Variants in SGCB observed in about 807,000 individuals in gnomAD.
SGCB encodes sarcoglycan beta.
A neutral mutation model predicts 27.3 loss-of-function variants in SGCB; 25 were observed. The ratio of observed to expected loss-of-function variants is 0.92; its 90% CI spans 0.67 to 1.28. The LOEUF (loss-of-function observed/expected upper bound fraction) is 1.28. SGCB is among the 50% of genes most tolerant of loss of function. The pLI is 0.00. For missense variants in SGCB, 436 were observed against 402.1 expected (o/e 1.08, Z -0.72); for synonymous variants, 147 against 133.5 (o/e 1.10, Z -0.70).
intron 2 of SGCB, among the ~76,000 whole-genome samples, chr4:52,030,726 G>A (rs1049827522): frequency 3.3e-5 from 5 of 152,076 alleles, no homozygotes; most frequent in Admixed American, 6.5e-5. Context: ...TTTCCCTTAC[G>A]TTCATGCTGA....
Position 52,038,263 on chromosome 4 carries a change from C to A in SGCB, c.-4G>T, listed in dbSNP as rs1553940969. 2.3e-6 allele frequency: 3 copies of A among 1,295,890 alleles called. No homozygotes were observed. The highest frequency in any genetic ancestry group is 2.9e-6 in the Non-Finnish European group (3 of 1,019,692). 80.3% of individuals were successfully genotyped at this position (1,295,890 alleles called of 1,614,324 possible). A position where few individuals can be genotyped will look rare whatever the true frequency, so the allele number is the denominator to read the frequency against. ...CCGCCGCCGCCGCTGCCGCCATCTT[C>A]CCGCGCCCGCCGCCGCCGAGCTCCC... On this transcript the variant is annotated 5_prime_UTR_variant, in exon 1 of 6. Transcript: ENST00000381431.
rs1736945284 is a variant in SGCB at position 52,021,350 on chromosome 4, A to C, written c.*2607T>G. 1 of 152,452 alleles carries C rather than the reference A, an allele frequency of 6.6e-6. No individual in the cohort carries two copies. The highest frequency in any genetic ancestry group is 1.5e-5 in the Non-Finnish European group (1 of 68,182). 9.4% of individuals were successfully genotyped at this position (152,452 alleles called of 1,614,324 possible). A position where few individuals can be genotyped will look rare whatever the true frequency, so the allele number is the denominator to read the frequency against. ...ATCTGGTGGAGACAATGAGTTGCTG[A>C]AGATTTACTGTGGATAAAAATAAGC... On this transcript the variant is annotated 3_prime_UTR_variant, in exon 6 of 6. Coordinates refer to ENST00000381431, the MANE Select transcript of SGCB (RefSeq NM_000232.5).
At chr4:52,028,288 C>G (rs995322218) in intron 4 of SGCB, among the ~76,000 whole-genome samples, 189 bp from the exon 5 acceptor site, 1 of 152,168 alleles carries the variant, frequency 6.6e-6, no homozygotes, top group Non-Finnish European at 1.5e-5. Flanking sequence ...AATTACAAAT[C>G]TAGAATTAAT....
chr4:52,034,606 C>T (rs1254702275), intron 1 of SGCB, among the ~76,000 whole-genome samples: 1 of 151,812 alleles, frequency 6.6e-6, no homozygotes, highest in Non-Finnish European at 1.5e-5. Flanking sequence ...CTTTGGGGGT[C>T]CTGAGACCAA....
At chr4:52,037,912 C>T (rs1737437972) in intron 1 of SGCB, among the ~76,000 whole-genome samples, 1 of 152,168 alleles carries the variant, frequency 6.6e-6, no homozygotes, top group Admixed American at 6.5e-5. Flanking sequence ...GTCCCTGGCA[C>T]GTCCCAGCGC....
rs769837788 is a variant in SGCB, at chr4:52,029,730, G to A, written c.377C>T (p.Thr126Ile). 79 of 1,613,580 alleles carry A rather than the reference G, an allele frequency of 4.9e-5. No homozygotes were observed. Among genetic ancestry groups the A allele is most frequent in the Non-Finnish European group, 6.6e-5 (78 of 1,179,822 alleles). Reference sequence around the variant, plus strand: ...ATTTTCATTTCGCCTTCCTCCTACTGTGCTTTTATAAAGAGGGTGGATCAC... The same window carrying A: ...ATTTTCATTTCGCCTTCCTCCTACTATGCTTTTATAAAGAGGGTGGATCAC... ...MGVIHPLYKSTVGGRRNENLV... is the reference protein window; with the variant it reads ...MGVIHPLYKSIVGGRRNENLV... Residue 126 changes from threonine (T) to isoleucine (I), a missense_variant, in exon 3 of 6, where the codon ACA becomes ATA. Physicochemically the swap from Thr to Ile is moderately conservative, Grantham distance 89 (BLOSUM62 -1). Coordinates refer to ENST00000381431, the MANE Select transcript of SGCB (RefSeq NM_000232.5).
rs751427686 is a variant in SGCB, at chr4:52,028,807, T to G, written c.544A>C (p.Thr182Pro). ...TGAAACTCATGAGTTTCATAGTCTG[T>G]GCTGAATAAGATATTTTGAGTCCTC... ...DPRTQNILFS[T>P]DYETHEFHLP... Residue 182 changes from threonine (T) to proline (P), a missense_variant, in exon 4 of 6, where the codon ACA becomes CCA. Transcript: ENST00000381431. 4.3e-6 allele frequency: 7 copies of G among 1,613,750 alleles called. No individual in the cohort carries two copies. The South Asian group carries it at 7.7e-5, about 18-fold the overall frequency.
chr4:52,031,895 T>C (rs778896273), intron 2 of SGCB: 41 of 456,036 alleles, frequency 9.0e-5, no homozygotes, highest in Non-Finnish European at 1.5e-4. Context: ...TATCTTCAGA[T>C]CTTTTTTCTA....
chr4:52,031,900 T>C, intron 2 of SGCB: 1 of 456,170 alleles, frequency 2.2e-6, no homozygotes, highest in Non-Finnish European at 4.4e-6. Flanking sequence ...TCAGATCTTT[T>C]TTCTATATGC....
chr4:52,024,166 A>G lies in SGCB; in HGVS notation c.754-6T>C. On this transcript the variant is annotated splice_polypyrimidine_tract_variant and splice_region_variant and intron_variant, in intron 5 of 5. Coordinates refer to ENST00000381431, the MANE Select transcript of SGCB (RefSeq NM_000232.5). ...TTTAGGATGATACTGTTTTCCTATT[A>G]GGAGAATAGTAATATGATTTATTTA... is the stretch of plus-strand genomic sequence containing the variant. 2 of 1,609,192 alleles carry G rather than the reference A, an allele frequency of 1.2e-6. No individual in the cohort carries two copies. Among genetic ancestry groups the G allele is most frequent in the Non-Finnish European group, 1.7e-6 (2 of 1,176,068 alleles).
intron 1 of SGCB, among the ~76,000 whole-genome samples, chr4:52,033,968 T>A (rs540126556): frequency 3.7e-4 from 57 of 152,186 alleles, no homozygotes; most frequent in African/African-American, 1.3e-3. Flanking sequence ...AATTTATTAA[T>A]TTTTTTACGT....
intron 5 of SGCB, among the ~76,000 whole-genome samples, chr4:52,025,635 G>A (rs1313430637): frequency 6.6e-6 from 1 of 152,218 alleles, no homozygotes; most frequent in Admixed American, 6.5e-5. Context: ...GCATTTGGAG[G>A]ATTCTGAATA....
At chr4:52,029,974 T>A in intron 2 of SGCB, 111 bp from the exon 3 acceptor site, 1 of 799,782 alleles carries the variant, frequency 1.3e-6, no homozygotes, top group South Asian at 1.5e-5. Context: ...AAATGTTTTA[T>A]CAGTGAGGTA....
At chr4:52,027,439 T>C (rs1180088648) in intron 5 of SGCB, among the ~76,000 whole-genome samples, 1 of 151,704 alleles carries the variant, frequency 6.6e-6, no homozygotes, top group Middle Eastern at 3.2e-3. Context: ...TAAAAATATC[T>C]AAATAAAATA....
At chr4:52,027,871 C>T in intron 5 of SGCB, 97 bp downstream of exon 5, 1 of 1,177,294 alleles carries the variant, frequency 8.5e-7, no homozygotes, top group South Asian at 1.3e-5. Context: ...AAAAAATAGA[C>T]AATTATATCA....
Position 52,038,289 on chromosome 4 carries a change from CG to C in SGCB, c.-31del. On this transcript the variant is annotated 5_prime_UTR_variant, in exon 1 of 6. Transcript: ENST00000381431. ...CCGCGCCCGCCGCCGCCGAGCTCCC[CG>C]CCCGACTGTGCCCGCCCCTCCGCGA... The C allele has an allele frequency of 7.8e-7, 1 of 1,286,926 alleles. No individual in the cohort carries two copies. Among genetic ancestry groups the C allele is most frequent in the South Asian group, 2.6e-5 (1 of 38,304 alleles). The allele number at this position is 1,286,926 out of a possible 1,614,324, so 79.7% of individuals were successfully genotyped here.
rs1467520660 is a variant in SGCB, at chr4:52,033,099, A to G, written c.243+332T>C. On this transcript the variant is annotated intron_variant, in intron 2 of 5. Transcript: ENST00000381431. ...ATTTTTAAGGAGATGTGAAAGCAAT[A>G]AAATCATCTTGGCAAAGTTCTCTTC... is the stretch of plus-strand genomic sequence containing the variant. Among the ~76,000 whole-genome samples the G allele has an allele frequency of 2.0e-5, 3 of 152,224 alleles. 1 individual carries two copies. The highest frequency in any genetic ancestry group is 2.0e-4 in the Admixed American group (3 of 15,288).
rs369816467 is a variant in SGCB at position 52,030,703 on chromosome 4, T to C, written c.244-840A>G. Among the ~76,000 whole-genome samples the C allele has an allele frequency of 5.3e-4, 80 of 152,318 alleles. No individual in the cohort carries two copies. In the East Asian group the frequency reaches 0.012, roughly 22 times the overall value. On this transcript the variant is annotated intron_variant, in intron 2 of 5. Coordinates refer to ENST00000381431, the MANE Select transcript of SGCB (RefSeq NM_000232.5). ...GGTCTGTATGGGCCCCCTGCACAGC[T>C]GTAATCATAAACTTTCCCTTACGTT...
At chr4:52,037,356 G>GTTA (rs1737421560) in intron 1 of SGCB, among the ~76,000 whole-genome samples, 2 of 152,076 alleles carry the variant, frequency 1.3e-5, no homozygotes, top group South Asian at 4.1e-4. Flanking sequence ...TCTCTAAAAA[G>GTTA]TTAATTATCT....
Sources: gnomAD v4.1 joint callset for allele counts (sites outside exome capture counted in the v4.1 genomes callset) on GRCh38, gnomAD v4.1.1 for gene constraint, MANE v1.5 for transcripts, NCBI Gene and HGNC (gene_info 2026-07-23, HGNC 2026-07-21) for gene names.